The following UBE2E2 variants were observed in gnomAD, a reference collection of about 807,000 sequenced individuals.
UBE2E2 encodes the protein ubiquitin-conjugating enzyme E2 E2.
A neutral mutation model predicts 24.7 loss-of-function variants in UBE2E2; 6 were observed. The observed-to-expected ratio is 0.24, with a 90% CI of 0.13 to 0.48. The LOEUF (loss-of-function observed/expected upper bound fraction) is 0.48. Ranked by LOEUF, UBE2E2 falls within the 20% of genes least tolerant of loss-of-function variation. The pLI is 0.99. For missense variants in UBE2E2, 169 were observed against 245.0 expected (o/e 0.69, Z 2.07); for synonymous variants, 104 against 83.6 (o/e 1.24, Z -1.33).
chr3:23,206,578 G>T (rs1696153143), intron 1 of UBE2E2, among the ~76,000 whole-genome samples: 1 of 152,104 alleles, frequency 6.6e-6, no homozygotes, highest in South Asian at 2.1e-4. Context: ...AGCTGTTGGG[G>T]TTGAAGGGGT....
At chr3:23,519,482 A>G (rs1314910097) in intron 4 of UBE2E2, among the ~76,000 whole-genome samples, 4 of 152,174 alleles carry the variant, frequency 2.6e-5, no homozygotes, top group East Asian at 1.9e-4. Flanking sequence ...AACTACATCT[A>G]TTCTGCATAG....
chr3:23,472,433 G>T (rs1699049101), intron 3 of UBE2E2, among the ~76,000 whole-genome samples: 1 of 151,960 alleles, frequency 6.6e-6, no homozygotes, highest in Non-Finnish European at 1.5e-5. Flanking sequence ...ACCGACAAGG[G>T]GTAGCAGAAA....
intron 3 of UBE2E2, among the ~76,000 whole-genome samples, chr3:23,434,606 A>G (rs1698141961): frequency 6.6e-6 from 1 of 152,154 alleles, no homozygotes; most frequent in African/African-American, 2.4e-5. Context: ...TATATTTTAT[A>G]ATTTTCCTCT....
intron 3 of UBE2E2, among the ~76,000 whole-genome samples, chr3:23,317,139 CAA>C (rs1376651319): frequency 1.3e-5 from 2 of 152,292 alleles, no homozygotes; most frequent in African/African-American, 4.8e-5. Context: ...TGTGTCCCCC[CAA>C]ATGTGCTGGC....
intron 3 of UBE2E2, among the ~76,000 whole-genome samples, chr3:23,385,632 T>A (rs1432266883): frequency 6.6e-6 from 1 of 152,324 alleles, no homozygotes; most frequent in Admixed American, 6.5e-5. Context: ...CCAAATCTCA[T>A]TTCCATATGT....
chr3:23,249,755 A>T lies in UBE2E2; in HGVS notation c.227+32443A>T, dbSNP rs6792915. Among the ~76,000 whole-genome samples the T allele has an allele frequency of 8.6e-5, 13 of 151,588 alleles. No individual in the cohort carries two copies. In the East Asian group the frequency reaches 2.3e-3, roughly 27 times the overall value. ...ACTGCAAGCTCTGCTTTCTGGGTTCATGCCATTCTCCTGCCTCAGCCTCCC... is the reference window on the plus strand; with the variant it reads ...ACTGCAAGCTCTGCTTTCTGGGTTCTTGCCATTCTCCTGCCTCAGCCTCCC... On this transcript the variant is annotated intron_variant, in intron 3 of 5. Coordinates refer to ENST00000396703, the MANE Select transcript of UBE2E2 (RefSeq NM_152653.4).
chr3:23,400,607 A>AACACACAC (rs3087043), intron 3 of UBE2E2, among the ~76,000 whole-genome samples: 4,599 of 137,746 alleles, frequency 0.033, 199 homozygotes, highest in African/African-American at 0.099. Flanking sequence ...GAATAAATGA[A>AACACACAC]ACACACACAC....
At chr3:23,406,977 G>A (rs74906316) in intron 3 of UBE2E2, among the ~76,000 whole-genome samples, 16 of 152,306 alleles carry the variant, frequency 1.1e-4, no homozygotes, top group African/African-American at 3.8e-4. Flanking sequence ...GGGTGTGGAA[G>A]GGTCCACAGG....
At chr3:23,506,727 G>A (rs1168547883) in intron 4 of UBE2E2, among the ~76,000 whole-genome samples, 3 of 151,946 alleles carry the variant, frequency 2.0e-5, no homozygotes, top group Admixed American at 6.5e-5. Context: ...TCAGCCTCCC[G>A]GGCTCAAGCA....
At chr3:23,489,231 A>G (rs1699444606) in intron 3 of UBE2E2, among the ~76,000 whole-genome samples, 1 of 152,074 alleles carries the variant, frequency 6.6e-6, no homozygotes, top group African/African-American at 2.4e-5. Context: ...CACTTTATTT[A>G]TATTATTACA....
chr3:23,295,072 TCTC>T (rs1414991536), intron 3 of UBE2E2, among the ~76,000 whole-genome samples: 1 of 152,190 alleles, frequency 6.6e-6, no homozygotes. Context: ...TTAGTGTTCA[TCTC>T]TTCTTCTGTT....
intron 3 of UBE2E2, among the ~76,000 whole-genome samples, chr3:23,456,822 C>A (rs1175042422): frequency 6.6e-6 from 1 of 152,140 alleles, no homozygotes; most frequent in Admixed American, 6.5e-5. Flanking sequence ...CTGCATTAGC[C>A]CCTAACAAGA....
chr3:23,249,401 T>G (rs1262087095), intron 3 of UBE2E2, among the ~76,000 whole-genome samples: 1 of 152,146 alleles, frequency 6.6e-6, no homozygotes, highest in East Asian at 1.9e-4. Context: ...TGAAAAATAC[T>G]GGATATATGG....
At chr3:23,516,923 A>G (rs184261874) in intron 4 of UBE2E2, among the ~76,000 whole-genome samples, 76 of 152,284 alleles carry the variant, frequency 5.0e-4, no homozygotes, top group South Asian at 1.2e-3. Context: ...TGACCACTTT[A>G]CTATGATGAT....
chr3:23,552,169 G>A (rs938253184), intron 5 of UBE2E2, among the ~76,000 whole-genome samples: 1 of 152,022 alleles, frequency 6.6e-6, no homozygotes, highest in African/African-American at 2.4e-5. Flanking sequence ...ATGGCCACCC[G>A]GGCAGACTAA....
At chr3:23,402,074 A>C (rs13063183) in intron 3 of UBE2E2, among the ~76,000 whole-genome samples, 15,446 of 151,676 alleles carry the variant, frequency 0.1, 922 homozygotes, top group East Asian at 0.13. Context: ...CCAGGCTGGT[A>C]TAGAACTCCT....
In UBE2E2 at chr3:23,251,757, AT is replaced by A. The variant is rs201131625; in HGVS notation, c.227+34447del. ...TTAGGTAAGCAGAAAAAGTTATAAA[AT>A]TATAATAATCTCTCTCGACTATTTA... On this transcript the variant is annotated intron_variant, in intron 3 of 5. Transcript: ENST00000396703. Among the ~76,000 whole-genome samples the A allele has an allele frequency of 6.3e-3, 966 of 152,312 alleles. 13 individuals carry two copies. Among genetic ancestry groups the A allele is most frequent in the African/African-American group, 0.022 (894 of 41,562 alleles).
intron 3 of UBE2E2, among the ~76,000 whole-genome samples, chr3:23,234,461 C>T (rs1034565737): frequency 6.6e-6 from 1 of 152,142 alleles, no homozygotes; most frequent in African/African-American, 2.4e-5. Context: ...ATGGTCAGCC[C>T]CATCAGCTGG....
chr3:23,458,019 A>G (rs188050289), intron 3 of UBE2E2, among the ~76,000 whole-genome samples: 1 of 152,222 alleles, frequency 6.6e-6, no homozygotes, highest in Non-Finnish European at 1.5e-5. Context: ...TTTTAATTTC[A>G]TGCAAGAACT....
Sources: gnomAD v4.1 joint callset for allele counts (sites outside exome capture counted in the v4.1 genomes callset) on GRCh38, gnomAD v4.1.1 for gene constraint, MANE v1.5 for transcripts, NCBI Gene and HGNC (gene_info 2026-07-23, HGNC 2026-07-21) for gene names.